SNED1: variants seen among roughly 807,000 people sequenced by gnomAD.
SNED1 encodes sushi, nidogen and EGF like domains 1, also known as sushi, nidogen and EGF-like domain-containing protein 1.
SNED1 carries 81 observed loss-of-function variants against 166.7 expected under a neutral mutation model. The observed-to-expected ratio is 0.49, with a 90% CI of 0.41 to 0.58. The LOEUF is 0.58. Among genes scored for constraint, SNED1 ranks in the 20% least tolerant of loss-of-function variants. The pLI is 0.00. For synonymous variants in SNED1, 762 were observed against 822.0 expected, an observed-to-expected ratio of 0.93 and a Z score of 1.25; for missense variants, 1,604 against 2,000.2, an observed-to-expected ratio of 0.80 and a Z score of 3.78.
intron 2 of SNED1, among the ~76,000 whole-genome samples, chr2:241,032,869 A>C (rs1210458613): frequency 6.6e-6 from 1 of 151,898 alleles, no homozygotes; most frequent in Non-Finnish European, 1.5e-5. Context: ...TTTCTTATTG[A>C]TCTGTAGTTC....
chr2:241,024,776 A>G (rs951843481), intron 1 of SNED1, among the ~76,000 whole-genome samples: 2 of 151,166 alleles, frequency 1.3e-5, no homozygotes, highest in African/African-American at 4.9e-5. Context: ...GGTTCAAGCA[A>G]TTCTCCTGCC....
rs1460735849 is a variant in SNED1 at position 241,064,076 on chromosome 2, C to T, written c.2550C>T (p.Ala850=). The T allele has an allele frequency of 3.2e-6, 5 of 1,570,084 alleles. No individual in the cohort carries two copies. The highest frequency in any genetic ancestry group is 4.3e-6 in the Non-Finnish European group (5 of 1,159,010). The change falls in exon 19 of 32, where the codon GCC becomes GCT. Residue 850 remains alanine, a synonymous_variant. Coordinates refer to ENST00000310397, the MANE Select transcript of SNED1 (RefSeq NM_001080437.3). The surrounding 1 kb of genome is among the most constrained non-coding windows in gnomAD (Gnocchi z 7.0). ...GCCGGTGTGAGAGCGGCGGCGGGGCCTACCTGTGCGTCTGCCCAGAGAGCT... is the reference window on the plus strand; with the variant it reads ...GCCGGTGTGAGAGCGGCGGCGGGGCTTACCTGTGCGTCTGCCCAGAGAGCT... ...HGGRCESGGG[A]YLCVCPESFF...
In SNED1 at chr2:241,049,995, G is replaced by C. The variant is rs776160743; in HGVS notation, c.1735+62G>C. ...CCCTGGAGAGCGCCCGCGGTCCGCC[G>C]TCCTGCTTCTCTGCTGTCTCTCTCC... On this transcript the variant is annotated intron_variant, in intron 12 of 31. Coordinates refer to ENST00000310397, the MANE Select transcript of SNED1 (RefSeq NM_001080437.3). 3 of 1,209,708 alleles carry C rather than the reference G, an allele frequency of 2.5e-6. No homozygotes were observed. The South Asian group carries it at 3.6e-5, about 15-fold the overall frequency. 74.9% of individuals were successfully genotyped at this position (1,209,708 alleles called of 1,614,324 possible).
At position 241,013,683 on chromosome 2, in the gene SNED1, G is replaced by T. The variant is rs925627737; in HGVS notation, c.213+14633G>T. Reference sequence around the variant, plus strand: ...ATTCCACATATAAGTGTCTTTCTGCGCCTGGCTTATTTCACTGAGCATAAT... The same window carrying T: ...ATTCCACATATAAGTGTCTTTCTGCTCCTGGCTTATTTCACTGAGCATAAT... On this transcript the variant is annotated intron_variant, in intron 1 of 31. Coordinates refer to ENST00000310397, the MANE Select transcript of SNED1 (RefSeq NM_001080437.3). The surrounding 1 kb of genome is among the most constrained non-coding windows in gnomAD (Gnocchi z 4.6). Among the ~76,000 whole-genome samples, 1 of 152,060 alleles carries T rather than the reference G, an allele frequency of 6.6e-6. No individual in the cohort carries two copies. The highest frequency in any genetic ancestry group is 1.5e-5 in the Non-Finnish European group (1 of 68,024).
chr2:241,021,041 CG>C (rs1272412969), intron 1 of SNED1, among the ~76,000 whole-genome samples: 1 of 152,198 alleles, frequency 6.6e-6, no homozygotes, highest in Admixed American at 6.5e-5. Context: ...GCAACCCCCT[CG>C]CTTTAATTCT....
chr2:241,010,882 C>A (rs1574855248), intron 1 of SNED1: 1 of 154,106 alleles, frequency 6.5e-6, no homozygotes, highest in Non-Finnish European at 1.4e-5. Context: ...AGGGCCTGGG[C>A]TTCAGGCTGC....
intron 27 of SNED1, among the ~76,000 whole-genome samples, chr2:241,076,067 T>C (rs2063006291): frequency 6.6e-6 from 1 of 152,260 alleles, no homozygotes; most frequent in African/African-American, 2.4e-5. Context: ...CTGGAACTGA[T>C]TGGCAAAGTT....
In SNED1 at chr2:241,088,406, C is replaced by A. The variant is rs376903624; in HGVS notation, c.*1+4C>A. On this transcript the variant is annotated splice_donor_region_variant and intron_variant, in intron 31 of 31. Transcript: ENST00000310397. ...CAGACACTGGAGAAATCTTAAGGTA[C>A]GTCCCTGCTGCTCCCGCCCCACTAC... 2 of 1,609,706 alleles carry A rather than the reference C, an allele frequency of 1.2e-6. No homozygotes were observed. Among genetic ancestry groups the A allele is most frequent in the African/African-American group, 1.3e-5 (1 of 74,856 alleles).
At chr2:241,026,009 CTTTTTT>C (rs71404676) in intron 1 of SNED1, among the ~76,000 whole-genome samples, 775 of 73,588 alleles carry the variant, frequency 0.011, 4 homozygotes, top group African/African-American at 0.038. Context: ...TTTTCTTTTC[CTTTTTT>C]TTTTTTTTTT....
intron 8 of SNED1, among the ~76,000 whole-genome samples, chr2:241,042,085 C>T (rs372222236): frequency 1.3e-5 from 2 of 152,068 alleles, no homozygotes; most frequent in African/African-American, 4.8e-5. Flanking sequence ...TCCAGCAGTC[C>T]CTTTGAATTG....
intron 1 of SNED1, among the ~76,000 whole-genome samples, chr2:241,017,857 AT>A (rs1559224615): frequency 1.3e-5 from 2 of 152,186 alleles, no homozygotes; most frequent in African/African-American, 4.8e-5. Flanking sequence ...CCTGGCTGTT[AT>A]CCCTGTGGCC....
intron 1 of SNED1, among the ~76,000 whole-genome samples, chr2:241,028,023 G>A (rs149719161): frequency 4.6e-5 from 7 of 152,240 alleles, no homozygotes; most frequent in African/African-American, 9.6e-5. Context: ...GTGAGCCACC[G>A]CGCCGGGCCA....
At chr2:241,089,573 G>A (rs1025688075) in intron 31 of SNED1, among the ~76,000 whole-genome samples, 1 of 152,142 alleles carries the variant, frequency 6.6e-6, no homozygotes, top group Non-Finnish European at 1.5e-5. Flanking sequence ...TTCGGATGTG[G>A]AAAGTCTCTC....
At chr2:241,054,681 A>G (rs1222812879) in intron 16 of SNED1, among the ~76,000 whole-genome samples, 1 of 152,290 alleles carries the variant, frequency 6.6e-6, no homozygotes, top group Non-Finnish European at 1.5e-5. Context: ...AAACAGTGGG[A>G]ATAAGCAGAT....
At position 241,091,294 on chromosome 2, in the gene SNED1, G is replaced by A. The variant is rs1238584885; in HGVS notation, c.*2-344G>A. ...GCTGTGCCCTTGGAGAAAAGACCCAGAGTCGTTACCGGAAGGAGGAGGGCA... is the reference window on the plus strand; with the variant it reads ...GCTGTGCCCTTGGAGAAAAGACCCAAAGTCGTTACCGGAAGGAGGAGGGCA... On this transcript the variant is annotated intron_variant, in intron 31 of 31. Coordinates refer to ENST00000310397, the MANE Select transcript of SNED1 (RefSeq NM_001080437.3). This position sits in a 1 kb window ranked among gnomAD's most constrained non-coding sequence, Gnocchi z 4.1. Among the ~76,000 whole-genome samples the A allele has an allele frequency of 2.6e-5, 4 of 152,202 alleles. No homozygotes were observed. Among genetic ancestry groups the A allele is most frequent in the African/African-American group, 9.6e-5 (4 of 41,452 alleles).
chr2:241,030,936 C>T (rs1284930326), intron 2 of SNED1, among the ~76,000 whole-genome samples: 1 of 152,184 alleles, frequency 6.6e-6, no homozygotes, highest in Non-Finnish European at 1.5e-5. Context: ...GAAACATTGA[C>T]TCAAGAATAA....
chr2:241,019,768 A>C (rs2060714991), intron 1 of SNED1, among the ~76,000 whole-genome samples: 1 of 152,214 alleles, frequency 6.6e-6, no homozygotes, highest in Non-Finnish European at 1.5e-5. Flanking sequence ...ATTTGTTTGC[A>C]ACACCAGCGG....
At chr2:241,023,606 T>C (rs1180323252) in intron 1 of SNED1, among the ~76,000 whole-genome samples, 1 of 152,228 alleles carries the variant, frequency 6.6e-6, no homozygotes, top group Non-Finnish European at 1.5e-5. Flanking sequence ...AGAAGATACA[T>C]TGAGTATCCC....
At chr2:241,079,411 C>CAAAAAAA (rs757361914) in intron 27 of SNED1, among the ~76,000 whole-genome samples, 1 of 74,460 alleles carries the variant, frequency 1.3e-5, no homozygotes, top group Admixed American at 1.6e-4. Context: ...GACTCCATCT[C>CAAAAAAA]AAAAAAAAAA....
Sources: gnomAD v4.1 joint callset for allele counts (sites outside exome capture counted in the v4.1 genomes callset) on GRCh38, gnomAD v4.1.1 for gene constraint, Gnocchi (gnomAD v3.1) non-coding constraint, MANE v1.5 for transcripts, NCBI Gene and HGNC (gene_info 2026-07-23, HGNC 2026-07-21) for gene names.